The following ZNF804B variants were observed in gnomAD, a reference collection of about 807,000 sequenced individuals.
ZNF804B encodes zinc finger 804B.
A neutral mutation model predicts 101.4 loss-of-function variants in ZNF804B; 80 were observed. That is an observed-to-expected ratio of 0.79 (90% CI 0.66 to 0.95). The LOEUF (loss-of-function observed/expected upper bound fraction) is 0.95. Ranked by LOEUF, ZNF804B falls within the 40% of genes least tolerant of loss-of-function variation. The pLI, the probability that ZNF804B is intolerant of heterozygous loss-of-function variation, is 0.00. For synonymous variants in ZNF804B, 622 were observed against 558.8 expected (o/e 1.11, Z -1.59); for missense variants, 1,673 against 1,561.9 (o/e 1.07, Z -1.20).
intron 3 of ZNF804B, 135 bp downstream of exon 3, chr7:89,327,609 A>T: frequency 8.6e-7 from 1 of 1,158,326 alleles, no homozygotes; most frequent in Non-Finnish European, 1.2e-6. Flanking sequence ...AATATAGTTA[A>T]ACATACATAA....
intron 1 of ZNF804B, among the ~76,000 whole-genome samples, chr7:89,044,990 G>C (rs538040071): frequency 6.6e-6 from 1 of 152,142 alleles, no homozygotes; most frequent in African/African-American, 2.4e-5. Context: ...ATCACAGGCC[G>C]GGTAGCCTAT....
chr7:89,094,573 C>A (rs145197393), intron 1 of ZNF804B, among the ~76,000 whole-genome samples: 1 of 152,022 alleles, frequency 6.6e-6, no homozygotes, highest in Non-Finnish European at 1.5e-5. Flanking sequence ...AATTTTAATA[C>A]GTTAGTCGCT....
chr7:89,279,030 G>C (rs940646050), intron 2 of ZNF804B, among the ~76,000 whole-genome samples: 1 of 152,118 alleles, frequency 6.6e-6, no homozygotes, highest in African/African-American at 2.4e-5. Flanking sequence ...ATTTCATTGA[G>C]CAGTGGTTTG....
chr7:88,914,051 C>T (rs1584013533), intron 1 of ZNF804B, among the ~76,000 whole-genome samples: 2 of 152,128 alleles, frequency 1.3e-5, no homozygotes, highest in South Asian at 4.1e-4. Flanking sequence ...GTCCTTCTGC[C>T]TCCTATTGAA....
intron 1 of ZNF804B, among the ~76,000 whole-genome samples, chr7:88,809,940 T>C (rs1027974004): frequency 2.6e-5 from 4 of 152,214 alleles, no homozygotes; most frequent in Non-Finnish European, 2.9e-5. Context: ...ATTGCTCTCA[T>C]GTATTCATGC....
chr7:88,779,690 C>A (rs1790194737), intron 1 of ZNF804B, among the ~76,000 whole-genome samples: 1 of 152,150 alleles, frequency 6.6e-6, no homozygotes, highest in South Asian at 2.1e-4. Context: ...GGGCTTCATT[C>A]CAGGGCTTTC....
chr7:88,870,385 A>C (rs1791802825), intron 1 of ZNF804B, among the ~76,000 whole-genome samples: 1 of 93,122 alleles, frequency 1.1e-5, no homozygotes, highest in Admixed American at 1.1e-4. Flanking sequence ...ACTCCGTCTC[A>C]AAAAAAAAAA....
intron 1 of ZNF804B, among the ~76,000 whole-genome samples, chr7:88,798,928 T>C (rs765552901): frequency 2.0e-5 from 3 of 152,108 alleles, no homozygotes; most frequent in Non-Finnish European, 4.4e-5. Flanking sequence ...ATTTGTGTTA[T>C]TCTACCCAGA....
intron 1 of ZNF804B, among the ~76,000 whole-genome samples, chr7:89,097,819 A>G (rs961272946): frequency 1.3e-4 from 20 of 152,168 alleles, no homozygotes; most frequent in Non-Finnish European, 2.9e-5. Flanking sequence ...GATTTATTTT[A>G]TAATGAATCT....
At chr7:89,113,410 G>C (rs1392444901) in intron 1 of ZNF804B, among the ~76,000 whole-genome samples, 1 of 151,892 alleles carries the variant, frequency 6.6e-6, no homozygotes, top group African/African-American at 2.4e-5. Flanking sequence ...AAGCGCAAGG[G>C]GAAACCAAAT....
intron 1 of ZNF804B, among the ~76,000 whole-genome samples, chr7:89,012,907 A>C (rs1788486184): frequency 6.6e-6 from 1 of 152,234 alleles, no homozygotes; most frequent in African/African-American, 2.4e-5. Context: ...AAGAGGTTTA[A>C]TTGATTCACA....
intron 1 of ZNF804B, among the ~76,000 whole-genome samples, chr7:89,029,767 C>T (rs1246506941): frequency 1.3e-5 from 2 of 152,056 alleles, no homozygotes; most frequent in Non-Finnish European, 2.9e-5. Flanking sequence ...TAAAATGTAA[C>T]TTTCATTTTA....
chr7:88,970,280 G>T (rs935447997), intron 1 of ZNF804B, among the ~76,000 whole-genome samples: 1 of 151,440 alleles, frequency 6.6e-6, no homozygotes, highest in Non-Finnish European at 1.5e-5. Context: ...ATGGTGGTTT[G>T]CTGCACCCAT....
intron 1 of ZNF804B, among the ~76,000 whole-genome samples, chr7:89,141,803 T>C (rs1206120355): frequency 6.6e-6 from 1 of 151,736 alleles, no homozygotes; most frequent in Non-Finnish European, 1.5e-5. Context: ...ATATTTTTTT[T>C]CTAGGAATTT....
intron 2 of ZNF804B, among the ~76,000 whole-genome samples, chr7:89,298,229 T>TAC (rs1235948499): frequency 1.0e-5 from 1 of 99,280 alleles, no homozygotes; most frequent in Non-Finnish European, 1.9e-5. Context: ...TATATATATA[T>TAC]ATATATATAT....
chr7:89,217,962 A>T (rs1788922283), intron 1 of ZNF804B, among the ~76,000 whole-genome samples, 193 bp from the exon 2 acceptor site: 1 of 152,182 alleles, frequency 6.6e-6, no homozygotes, highest in African/African-American at 2.4e-5. Context: ...GGGCTACTTT[A>T]GAAATCATGA....
chr7:89,088,663 T>G (rs1341243871), intron 1 of ZNF804B, among the ~76,000 whole-genome samples: 1 of 145,818 alleles, frequency 6.9e-6, no homozygotes, highest in Non-Finnish European at 1.5e-5. Context: ...CTGCTGTCTC[T>G]GATGTTGCTC....
At chr7:88,823,225 CAAAA>C (rs1210345595) in intron 1 of ZNF804B, among the ~76,000 whole-genome samples, 1 of 151,922 alleles carries the variant, frequency 6.6e-6, no homozygotes, top group South Asian at 2.1e-4. Context: ...CAAAACAAAA[CAAAA>C]AACCAATACA....
rs1029739523 is a variant in ZNF804B, at chr7:88,770,760, G to A, written c.108+10676G>A. Among the ~76,000 whole-genome samples, 5 of 152,248 alleles carry A rather than the reference G, an allele frequency of 3.3e-5. No homozygotes were observed. The South Asian group carries it at 6.2e-4, about 19-fold the overall frequency. Reference sequence around the variant, plus strand: ...TTCAGTATGCCTTTTTGAAGCAAGAGTGTAGGGAAACAAGAAGAGCTCTCT... The same window carrying A: ...TTCAGTATGCCTTTTTGAAGCAAGAATGTAGGGAAACAAGAAGAGCTCTCT... On this transcript the variant is annotated intron_variant, in intron 1 of 3. Transcript: ENST00000333190.
Sources: gnomAD v4.1 joint callset for allele counts (sites outside exome capture counted in the v4.1 genomes callset) on GRCh38, gnomAD v4.1.1 for gene constraint, MANE v1.5 for transcripts, NCBI Gene and HGNC (gene_info 2026-07-23, HGNC 2026-07-21) for gene names.